Variants in PPP3R1 observed in about 807,000 individuals in gnomAD.
PPP3R1 encodes the protein calcineurin subunit B type 1.
A neutral mutation model predicts 22.6 loss-of-function variants in PPP3R1; 5 were observed. The ratio of observed to expected loss-of-function variants is 0.22; its 90% CI spans 0.12 to 0.46. The LOEUF is 0.46. PPP3R1 is among the 20% of genes least tolerant of loss of function. The pLI is 0.99. For synonymous variants in PPP3R1, 56 were observed against 65.2 expected (o/e 0.86, Z 0.68); for missense variants, 61 against 203.2 (o/e 0.30, Z 4.25).
intron 2 of PPP3R1, among the ~76,000 whole-genome samples, chr2:68,200,562 G>T (rs534030539): frequency 6.6e-6 from 1 of 152,308 alleles, no homozygotes; most frequent in Non-Finnish European, 1.5e-5. Flanking sequence ...TCAAGATGAG[G>T]AAACAAACCC....
chr2:68,182,771 T>A (rs1177128505), intron 5 of PPP3R1, among the ~76,000 whole-genome samples: 1 of 151,688 alleles, frequency 6.6e-6, no homozygotes, highest in Non-Finnish European at 1.5e-5. Flanking sequence ...GTTATAACTA[T>A]ACAATACAGA....
chr2:68,249,727 AG>A (rs113210568), intron 1 of PPP3R1, among the ~76,000 whole-genome samples: 74 of 150,516 alleles, frequency 4.9e-4, no homozygotes, highest in African/African-American at 7.6e-4. Flanking sequence ...TTTAACTTTC[AG>A]GAAAAAAAAA....
chr2:68,198,097 T>TA (rs993279100), intron 2 of PPP3R1, among the ~76,000 whole-genome samples: 28 of 101,066 alleles, frequency 2.8e-4, no homozygotes, highest in Non-Finnish European at 4.0e-4. Context: ...AAAGCATATA[T>TA]ATGTAAACAT....
At chr2:68,219,391 G>A (rs1282036190) in intron 1 of PPP3R1, among the ~76,000 whole-genome samples, 3 of 152,104 alleles carry the variant, frequency 2.0e-5, no homozygotes, top group Non-Finnish European at 4.4e-5. Flanking sequence ...TTAGTCATTA[G>A]TAAAAACAGG....
At chr2:68,252,061 C>T (rs1670374960) in intron 1 of PPP3R1, 64 bp downstream of exon 1, 13 of 1,361,096 alleles carry the variant, frequency 9.6e-6, no homozygotes, top group African/African-American at 1.5e-5. Flanking sequence ...GGCTCGCCCC[C>T]GCACCCGACC....
intron 5 of PPP3R1, 32 bp from the exon 6 acceptor site, chr2:68,181,042 A>C: frequency 6.3e-7 from 1 of 1,596,306 alleles, no homozygotes; most frequent in Non-Finnish European, 8.6e-7. Flanking sequence ...CAAGCTTCAC[A>C]GTGTCTGAGA....
intron 2 of PPP3R1, among the ~76,000 whole-genome samples, chr2:68,215,559 T>C (rs1451886597): frequency 6.6e-6 from 1 of 152,182 alleles, no homozygotes; most frequent in Non-Finnish European, 1.5e-5. Context: ...ATCTCACAAG[T>C]ATATCTGTGG....
intron 5 of PPP3R1, among the ~76,000 whole-genome samples, chr2:68,182,072 C>T (rs1340138228): frequency 3.3e-5 from 1 of 30,088 alleles, no homozygotes; most frequent in African/African-American, 3.8e-4. Flanking sequence ...CCTCCTCCAA[C>T]CCCCCCCTCC....
chr2:68,207,975 G>C (rs1044993799), intron 2 of PPP3R1, among the ~76,000 whole-genome samples: 7 of 152,262 alleles, frequency 4.6e-5, no homozygotes, highest in African/African-American at 1.7e-4. Context: ...TGCCAACATG[G>C]TGAAACCTCA....
At chr2:68,198,356 T>TATATGTATATAC (rs1674869618) in intron 2 of PPP3R1, among the ~76,000 whole-genome samples, 1 of 52,386 alleles carries the variant, frequency 1.9e-5, no homozygotes, top group Admixed American at 1.8e-4. Context: ...TATATGCATA[T>TATATGTATATAC]ATATGTACAT....
At chr2:68,208,644 T>C (rs908490038) in intron 2 of PPP3R1, among the ~76,000 whole-genome samples, 1 of 152,218 alleles carries the variant, frequency 6.6e-6, no homozygotes, top group South Asian at 2.1e-4. Flanking sequence ...TATTAAAAAT[T>C]CATAAAAAGG....
intron 1 of PPP3R1, among the ~76,000 whole-genome samples, chr2:68,218,925 C>T (rs76362701): frequency 0.027 from 4,113 of 152,154 alleles, 169 homozygotes; most frequent in African/African-American, 0.094. Flanking sequence ...TAGACAACGT[C>T]CACAAGACCT....
intron 1 of PPP3R1, among the ~76,000 whole-genome samples, chr2:68,232,683 T>C (rs1669942159): frequency 6.6e-6 from 1 of 152,014 alleles, no homozygotes; most frequent in Non-Finnish European, 1.5e-5. Context: ...CTCAGCTCAC[T>C]GCAATCTCCA....
Position 68,187,248 on chromosome 2 carries a change from T to C in PPP3R1, c.280+7A>G. 1.2e-6 allele frequency: 2 copies of C among 1,600,636 alleles called. No homozygotes were observed. The highest frequency in any genetic ancestry group is 1.7e-6 in the Non-Finnish European group (2 of 1,170,288). ...AGAGAATGAAGTCAGTGAAGAAAAA[T>C]ACTTACACCTCAATTTCTGCTCCTT... On this transcript the variant is annotated splice_region_variant and intron_variant, in intron 4 of 5. Transcript: ENST00000234310.
chr2:68,227,494 G>T (rs545625386), intron 1 of PPP3R1, among the ~76,000 whole-genome samples: 32 of 151,526 alleles, frequency 2.1e-4, no homozygotes, highest in South Asian at 4.2e-4. Flanking sequence ...GAATGTCGGG[G>T]ACAGAAAAGA....
At chr2:68,229,881 T>C (rs975136965) in intron 1 of PPP3R1, among the ~76,000 whole-genome samples, 1 of 151,842 alleles carries the variant, frequency 6.6e-6, no homozygotes, top group Non-Finnish European at 1.5e-5. Context: ...TGTGTATGTA[T>C]GTGTGTATAT....
At chr2:68,188,979 C>A (rs943111476) in intron 2 of PPP3R1, among the ~76,000 whole-genome samples, 2 of 152,114 alleles carry the variant, frequency 1.3e-5, no homozygotes, top group African/African-American at 4.8e-5. Context: ...TCAAGATATT[C>A]CAGGCCGGAT....
chr2:68,197,402 G>T (rs1261459488), intron 2 of PPP3R1, among the ~76,000 whole-genome samples: 1 of 152,126 alleles, frequency 6.6e-6, no homozygotes, highest in African/African-American at 2.4e-5. Context: ...CCATTATATG[G>T]ATATACCACA....
chr2:68,222,414 G>A (rs2103779066), intron 1 of PPP3R1, among the ~76,000 whole-genome samples: 2 of 152,322 alleles, frequency 1.3e-5, no homozygotes, highest in South Asian at 4.1e-4. Context: ...CTGAGTGAGA[G>A]TCAGCTAGGC....
Sources: allele counts gnomAD v4.1 joint callset (sites outside exome capture counted in the v4.1 genomes callset), GRCh38; gene constraint gnomAD v4.1.1; transcripts MANE v1.5; gene names NCBI Gene and HGNC (gene_info 2026-07-23, HGNC 2026-07-21).